Variants in TPRG1 observed in about 807,000 individuals in gnomAD.
The protein encoded by TPRG1 is tumor protein p63 regulated 1.
In TPRG1, 29 loss-of-function variants were observed where a neutral mutation model predicts 29.3. The ratio of observed to expected loss-of-function variants is 0.99; its 90% CI spans 0.74 to 1.35. The LOEUF is 1.35. Among genes scored for constraint, TPRG1 ranks in the 40% most tolerant of loss-of-function variants. TPRG1 has a pLI of 0.00. For synonymous variants in TPRG1, 130 were observed against 116.8 expected (o/e 1.11, Z -0.73); for missense variants, 327 against 335.0 (o/e 0.98, Z 0.19).
intron 4 of TPRG1, among the ~76,000 whole-genome samples, chr3:189,252,605 G>A (rs1394226240): frequency 6.6e-6 from 1 of 152,116 alleles, no homozygotes; most frequent in Non-Finnish European, 1.5e-5. Context: ...TTAACTACAG[G>A]TTTAAAGCTA....
At chr3:189,100,052 A>T (rs1288033366), upstream of TPRG1, 1 of 152,402 alleles carries the variant, frequency 6.6e-6, no homozygotes, top group Non-Finnish European at 1.5e-5. Flanking sequence ...GGACTGAAAG[A>T]GAAACAGCTG....
At chr3:189,207,279 G>T in intron 1 of TPRG1, 97 bp from the exon 2 acceptor site, 1 of 1,482,002 alleles carries the variant, frequency 6.7e-7, no homozygotes, top group Non-Finnish European at 9.1e-7. Flanking sequence ...TTAAGTTTCA[G>T]GAATTCCGTT....
intron 4 of TPRG1, among the ~76,000 whole-genome samples, chr3:189,040,200 A>G (rs750520727): frequency 1.3e-5 from 2 of 152,226 alleles, no homozygotes; most frequent in Non-Finnish European, 2.9e-5. Flanking sequence ...TCATTGTGGT[A>G]GATGAAAGAA....
upstream of TPRG1, among the ~76,000 whole-genome samples, chr3:189,095,245 C>A (rs1238200897): frequency 7.9e-5 from 12 of 152,094 alleles, no homozygotes; most frequent in Non-Finnish European, 1.6e-4. Flanking sequence ...CTGCTAGAGG[C>A]AGATTTGGGT....
chr3:189,240,590 A>T (rs979621601), intron 4 of TPRG1: 3 of 152,032 alleles, frequency 2.0e-5, no homozygotes, highest in African/African-American at 7.3e-5. Flanking sequence ...GTCCAGGGAA[A>T]CTCCTGTTTT....
In TPRG1 at chr3:189,179,661, G is replaced by T. The variant is rs746651438; in HGVS notation, c.-10+7530G>T. ...AGGGAAGAAATTGTATTTGCAGGTT[G>T]CTTTCTACTCTCCACCTCTCTGTTT... On this transcript the variant is annotated intron_variant, in intron 1 of 5. Transcript: ENST00000345063. Among the ~76,000 whole-genome samples, 102 of 152,202 alleles carry T rather than the reference G, an allele frequency of 6.7e-4. 1 individual carries two copies. Among genetic ancestry groups the T allele is most frequent in the Non-Finnish European group, 1.2e-3 (82 of 68,046 alleles).
At chr3:189,270,357 C>T (rs1163802873) in intron 4 of TPRG1, among the ~76,000 whole-genome samples, 2 of 152,206 alleles carry the variant, frequency 1.3e-5, no homozygotes, top group Non-Finnish European at 2.9e-5. Context: ...CAAATTGCTT[C>T]TGAGATTTCA....
chr3:189,151,404 C>T (rs1301493978), intron 5 of TPRG1, among the ~76,000 whole-genome samples: 1 of 152,140 alleles, frequency 6.6e-6, no homozygotes, highest in East Asian at 1.9e-4. Context: ...TTTGGAGACA[C>T]AAATTTGACC....
chr3:189,261,060 C>G (rs1212340674), intron 4 of TPRG1, among the ~76,000 whole-genome samples: 1 of 152,172 alleles, frequency 6.6e-6, no homozygotes, highest in Admixed American at 6.5e-5. Context: ...TGCGGAACAT[C>G]TTGTAAAATA....
At chr3:189,094,548 A>G (rs1718549714) in intron 4 of TPRG1, among the ~76,000 whole-genome samples, 2 of 152,172 alleles carry the variant, frequency 1.3e-5, no homozygotes, top group African/African-American at 4.8e-5. Flanking sequence ...TCAACCTGCT[A>G]TTTATCCAGC....
upstream of TPRG1, among the ~76,000 whole-genome samples, chr3:189,095,827 C>T (rs1263996212): frequency 6.6e-6 from 1 of 152,156 alleles, no homozygotes; most frequent in Non-Finnish European, 1.5e-5. Context: ...TCTTCAGTAT[C>T]CTTCTCAGGT....
At chr3:189,208,573 T>C (rs1355022547) in intron 2 of TPRG1, among the ~76,000 whole-genome samples, 1 of 151,918 alleles carries the variant, frequency 6.6e-6, no homozygotes, top group African/African-American at 2.4e-5. Flanking sequence ...ACTTAACGAG[T>C]GTGTGTGTGT....
chr3:189,228,534 T>A (rs1171509898), intron 3 of TPRG1, among the ~76,000 whole-genome samples: 2 of 152,158 alleles, frequency 1.3e-5, no homozygotes, highest in African/African-American at 4.8e-5. Flanking sequence ...TATCATCATA[T>A]CAACTGATGC....
chr3:189,273,098 G>GA (rs1444845038), intron 4 of TPRG1, among the ~76,000 whole-genome samples: 18 of 152,132 alleles, frequency 1.2e-4, no homozygotes, highest in African/African-American at 4.1e-4. Flanking sequence ...TGTGTTGAGG[G>GA]AAAATCAGCT....
upstream of TPRG1, among the ~76,000 whole-genome samples, chr3:189,097,395 G>A (rs528068038): frequency 9.9e-5 from 15 of 152,258 alleles, no homozygotes; most frequent in South Asian, 3.1e-3. Flanking sequence ...CCTATAGTTT[G>A]TCTGTCAGTC....
At chr3:189,069,245 GC>G (rs1260851656) in intron 4 of TPRG1, among the ~76,000 whole-genome samples, 3 of 152,126 alleles carry the variant, frequency 2.0e-5, no homozygotes, top group Non-Finnish European at 2.9e-5. Context: ...AAGGAAAAAA[GC>G]CAATTCCAGA....
intron 4 of TPRG1, among the ~76,000 whole-genome samples, chr3:189,062,509 G>T (rs1716184451): frequency 6.6e-6 from 1 of 152,030 alleles, no homozygotes; most frequent in Non-Finnish European, 1.5e-5. Context: ...AAAAATAGCA[G>T]AAATATGAGT....
At chr3:189,000,045 G>C (rs1380896768) in intron 1 of TPRG1, among the ~76,000 whole-genome samples, 1 of 151,982 alleles carries the variant, frequency 6.6e-6, no homozygotes. Context: ...TAATAAAAAA[G>C]AAAATAACAC....
intron 4 of TPRG1, among the ~76,000 whole-genome samples, chr3:189,066,775 C>T (rs547710323): frequency 2.6e-4 from 39 of 152,124 alleles, no homozygotes; most frequent in Admixed American, 5.9e-4. Flanking sequence ...CAAGAATGCC[C>T]CTTTCCCCAG....
Sources: gnomAD v4.1 joint callset for allele counts (sites outside exome capture counted in the v4.1 genomes callset) on GRCh38, gnomAD v4.1.1 for gene constraint, MANE v1.5 for transcripts, NCBI Gene and HGNC (gene_info 2026-07-23, HGNC 2026-07-21) for gene names.